Variants in RYR3 observed in about 807,000 individuals in gnomAD.
The protein encoded by RYR3 is ryanodine receptor 3, also known as brain ryanodine receptor-calcium release channel.
RYR3 carries 207 observed loss-of-function variants against 584.3 expected under a neutral mutation model. The observed-to-expected ratio is 0.35, with a 90% CI of 0.32 to 0.40. The LOEUF (loss-of-function observed/expected upper bound fraction) is 0.40, where lower values mean the gene tolerates loss of function less well. Among genes scored for constraint, RYR3 ranks in the 10% least tolerant of loss-of-function variants. The pLI, the probability that RYR3 is intolerant of heterozygous loss-of-function variation, is 1.00. For synonymous variants in RYR3, 2,416 were observed against 2,248.5 expected (o/e 1.07, Z -2.11); for missense variants, 5,616 against 6,089.2 (o/e 0.92, Z 2.59).
chr15:33,690,471 T>C (rs1366025845), intron 38 of RYR3, among the ~76,000 whole-genome samples: 1 of 152,272 alleles, frequency 6.6e-6, no homozygotes, highest in Admixed American at 6.5e-5. Context: ...TTATATGAGA[T>C]ACTCTTCTTA....
rs1596979023 is a variant in RYR3 at position 33,844,991 on chromosome 15, A to C, written c.13426A>C (p.Thr4476Pro). Residue 4476 changes from threonine (T) to proline (P), a missense_variant, in exon 93 of 104, where the codon ACC (threonine) becomes CCC (proline). Coordinates refer to ENST00000634891, the MANE Select transcript of RYR3 (RefSeq NM_001036.6). ...GGAGAGCACCGGGTATATGGCACCA[A>C]CCCTGCGTGCCCTGGCCATCATCCA... Reference protein sequence around the residue: ...LQESTGYMAPTLRALAIIHTI... With the variant: ...LQESTGYMAPPLRALAIIHTI... 2 of 1,613,934 alleles carry C rather than the reference A, an allele frequency of 1.2e-6. No individual in the cohort carries two copies. The highest frequency in any genetic ancestry group is 1.7e-6 in the Non-Finnish European group (2 of 1,179,888).
chr15:33,729,298 G>T (rs1042125721), intron 47 of RYR3, among the ~76,000 whole-genome samples: 1 of 152,094 alleles, frequency 6.6e-6, no homozygotes, highest in African/African-American at 2.4e-5. Context: ...CCTGTGCATT[G>T]TAGAACGTGT....
intron 1 of RYR3, among the ~76,000 whole-genome samples, chr15:33,367,591 G>C (rs1415446723): frequency 1.3e-5 from 2 of 152,226 alleles, no homozygotes; most frequent in Non-Finnish European, 2.9e-5. Context: ...GCTTTGGCTA[G>C]ATGAGAACCA....
intron 67 of RYR3, among the ~76,000 whole-genome samples, chr15:33,789,624 T>TTTTATATATATATATA (rs1258454158): frequency 5.1e-4 from 6 of 11,694 alleles, no homozygotes; most frequent in African/African-American, 8.6e-4. Context: ...AGGTTTTATT[T>TTTTATATATATATATA]TATATATATA....
At chr15:33,550,750 T>C (rs1477013767) in intron 10 of RYR3, among the ~76,000 whole-genome samples, 3 of 152,194 alleles carry the variant, frequency 2.0e-5, no homozygotes, top group African/African-American at 7.2e-5. Flanking sequence ...AAAAAAAGAT[T>C]TAAATGTAAA....
intron 1 of RYR3, among the ~76,000 whole-genome samples, chr15:33,458,020 T>C (rs2047705752): frequency 6.6e-6 from 1 of 152,202 alleles, no homozygotes; most frequent in Non-Finnish European, 1.5e-5. Context: ...CAATAAGTTC[T>C]TCCTGGTTGC....
intron 1 of RYR3, among the ~76,000 whole-genome samples, chr15:33,413,677 G>A (rs2043572163): frequency 6.6e-6 from 1 of 152,222 alleles, no homozygotes; most frequent in Non-Finnish European, 1.5e-5. Context: ...CTTACCCAGT[G>A]CCTGGTGCCC....
chr15:33,355,517 A>G (rs774043322), intron 1 of RYR3, among the ~76,000 whole-genome samples: 1 of 152,218 alleles, frequency 6.6e-6, no homozygotes, highest in East Asian at 1.9e-4. Flanking sequence ...TGACATCGCT[A>G]ATAAGCATCA....
chr15:33,722,868 T>C lies in RYR3; in HGVS notation c.6773T>C (p.Leu2258Pro). The change falls in exon 44 of 104, where the codon CTC becomes CCC. Residue 2258 changes from leucine (L) to proline (P), a missense_variant. Physicochemically the swap from Leu to Pro is moderately conservative, Grantham distance 98. Coordinates refer to ENST00000634891, the MANE Select transcript of RYR3 (RefSeq NM_001036.6). ...ATCTCTGAGAACCCAGCGCTCGACC[T>C]CCCCTCTCAAGGATACAAAAGAGAA... ...IKISENPALD[L>P]PSQGYKREVS... is the part of the protein sequence containing the mutation. The C allele has an allele frequency of 6.3e-7, 1 of 1,591,876 alleles. No individual in the cohort carries two copies. Among genetic ancestry groups the C allele is most frequent in the Non-Finnish European group, 8.5e-7 (1 of 1,171,064 alleles).
intron 75 of RYR3, among the ~76,000 whole-genome samples, chr15:33,818,257 T>C (rs891103983): frequency 9.2e-5 from 14 of 152,066 alleles, no homozygotes; most frequent in Non-Finnish European, 1.9e-4. Context: ...AGAGCTTGCA[T>C]GAGAGGTCAG....
intron 32 of RYR3, among the ~76,000 whole-genome samples, chr15:33,655,000 T>TG (rs922802354): frequency 1.3e-5 from 2 of 152,186 alleles, no homozygotes; most frequent in Non-Finnish European, 2.9e-5. Context: ...AAACCCTTCC[T>TG]GGGGGCGGGG....
At chr15:33,816,035 G>C (rs1332838875) in intron 74 of RYR3, 1 of 394,458 alleles carries the variant, frequency 2.5e-6, no homozygotes, top group Non-Finnish European at 4.5e-6. Flanking sequence ...ACAATTTTTA[G>C]GAAGAATTCT....
intron 2 of RYR3, among the ~76,000 whole-genome samples, chr15:33,499,103 A>G (rs553160454): frequency 9.2e-5 from 14 of 151,990 alleles, no homozygotes; most frequent in Non-Finnish European, 1.5e-4. Flanking sequence ...CTCCTTGGCA[A>G]GAGTACCCAA....
chr15:33,738,364 C>G, intron 49 of RYR3, 86 bp from the exon 50 acceptor site: 1 of 1,346,272 alleles, frequency 7.4e-7, no homozygotes, highest in Non-Finnish European at 1.0e-6. Context: ...TCTCTGCTTA[C>G]TACTTGATTC....
chr15:33,836,698 C>T (rs987703394), intron 87 of RYR3, among the ~76,000 whole-genome samples: 2 of 152,150 alleles, frequency 1.3e-5, no homozygotes, highest in Non-Finnish European at 1.5e-5. Context: ...TGTAAAGGAG[C>T]TTTGTTGGAT....
At chr15:33,596,499 G>GGA (rs1044413173) in intron 16 of RYR3, among the ~76,000 whole-genome samples, 15 of 147,246 alleles carry the variant, frequency 1.0e-4, no homozygotes, top group Admixed American at 3.4e-4. Context: ...TTTTTTTGGG[G>GGA]GGGGGGGATT....
rs187237654 is a variant in RYR3 at position 33,864,254 on chromosome 15, G to A, written c.14517+65G>A. On this transcript the variant is annotated intron_variant, in intron 103 of 103. Transcript: ENST00000634891. ...TTTCCTAAATCTTGAGACTTAGTAG[G>A]GCATAGGTTATCTGAAATACATACA... 236 of 1,277,894 alleles carry A rather than the reference G, an allele frequency of 1.8e-4. No homozygotes were observed. In the African/African-American group the frequency reaches 3.2e-3, roughly 17 times the overall value. 79.2% of individuals were successfully genotyped at this position (1,277,894 alleles called of 1,614,324 possible).
At chr15:33,345,875 C>A (rs1486729551) in intron 1 of RYR3, among the ~76,000 whole-genome samples, 1 of 152,124 alleles carries the variant, frequency 6.6e-6, no homozygotes, top group Non-Finnish European at 1.5e-5. Flanking sequence ...CCCAGTAAAG[C>A]GGTTTGGCAT....
chr15:33,746,096 C>G lies in RYR3; in HGVS notation c.7928C>G (p.Ser2643Cys). Reference sequence around the variant, plus strand: ...CAGAGTGGATGGAAATATGGGATTTCCCTGGATGAAAATGTGAAGACCCAC... The same window carrying G: ...CAGAGTGGATGGAAATATGGGATTTGCCTGGATGAAAATGTGAAGACCCAC... Reference protein sequence around the residue: ...KSQSGWKYGISLDENVKTHPL... With the variant: ...KSQSGWKYGICLDENVKTHPL... The change falls in exon 53 of 104, where the codon TCC becomes TGC. Residue 2643 changes from serine to cysteine, a missense_variant. Physicochemically the swap from Ser to Cys is moderately radical, Grantham distance 112. This residue lies in a region of RYR3 where 1,280 missense variants were observed against 1,426.2 expected (regional missense o/e 0.90). Transcript: ENST00000634891. 6.2e-7 allele frequency: 1 copy of G among 1,600,132 alleles called. No homozygotes were observed. The highest frequency in any genetic ancestry group is 8.5e-7 in the Non-Finnish European group (1 of 1,173,292).
Sources: gnomAD v4.1 joint callset for allele counts (sites outside exome capture counted in the v4.1 genomes callset) on GRCh38, gnomAD v4.1.1 for gene constraint, gnomAD v4.1.1 regional missense constraint, MANE v1.5 for transcripts, NCBI Gene and HGNC (gene_info 2026-07-23, HGNC 2026-07-21) for gene names.